NELL1: variants seen among roughly 807,000 people sequenced by gnomAD.
NELL1 encodes the protein protein kinase C-binding protein NELL1.
In NELL1, 76 loss-of-function variants were observed where a neutral mutation model predicts 107.4. That is an observed-to-expected ratio of 0.71 (90% confidence interval 0.59 to 0.86). The LOEUF (loss-of-function observed/expected upper bound fraction) is 0.86. NELL1 is among the 40% of genes least tolerant of loss of function. The probability of loss-of-function intolerance (pLI) is 0.00; values close to 1 mark genes in which losing one functional copy is unlikely to be tolerated. For synonymous variants in NELL1, 353 were observed against 341.2 expected, an observed-to-expected ratio of 1.03 and a Z score of -0.38; for missense variants, 1,024 against 1,005.5, an observed-to-expected ratio of 1.02 and a Z score of -0.25.
intron 15 of NELL1, among the ~76,000 whole-genome samples, chr11:21,515,310 A>G (rs1855530133): frequency 6.6e-6 from 1 of 152,096 alleles, no homozygotes; most frequent in Non-Finnish European, 1.5e-5. Flanking sequence ...CTTATTGAAA[A>G]TTACTGAAAG....
At position 20,826,844 on chromosome 11, in the gene NELL1, A is replaced by G. The variant is rs1003458819; in HGVS notation, c.336-20739A>G. ...ACCTTTGCATGGAGGAGTGAGACAG[A>G]CTGGACGTCAGTAGAGAGATTATAT... On this transcript the variant is annotated intron_variant, in intron 3 of 19. Transcript: ENST00000357134. 6.0e-5 allele frequency among the ~76,000 whole-genome samples: 9 copies of G among 151,194 alleles called. No homozygotes were observed. The Admixed American group carries it at 6.0e-4, about 10-fold the overall frequency.
At chr11:21,165,679 T>C (rs866927207) in intron 13 of NELL1, among the ~76,000 whole-genome samples, 2 of 151,042 alleles carry the variant, frequency 1.3e-5, no homozygotes, top group South Asian at 4.1e-4. Flanking sequence ...CCTAAGTGTC[T>C]GTCAACAAAC....
chr11:21,239,742 T>A (rs1201416751), intron 14 of NELL1, among the ~76,000 whole-genome samples: 1 of 152,022 alleles, frequency 6.6e-6, no homozygotes, highest in Non-Finnish European at 1.5e-5. Context: ...GGAATCACAG[T>A]CCCACATCTA....
At chr11:21,564,320 A>ATGAC (rs1458962512) in intron 17 of NELL1, among the ~76,000 whole-genome samples, 1 of 151,986 alleles carries the variant, frequency 6.6e-6, no homozygotes, top group African/African-American at 2.4e-5. Flanking sequence ...ATGGGTCCTG[A>ATGAC]TGACTGATGA....
intron 10 of NELL1, among the ~76,000 whole-genome samples, chr11:20,946,527 T>A (rs1235096480): frequency 6.6e-6 from 1 of 152,236 alleles, no homozygotes; most frequent in Non-Finnish European, 1.5e-5. Flanking sequence ...TTATTGTAAG[T>A]GATTTTATAT....
chr11:21,516,186 T>C (rs1040725800), intron 15 of NELL1, among the ~76,000 whole-genome samples: 5 of 152,172 alleles, frequency 3.3e-5, no homozygotes, highest in African/African-American at 1.2e-4. Flanking sequence ...GAGGGTGACA[T>C]ATACTCCTAG....
intron 15 of NELL1, among the ~76,000 whole-genome samples, chr11:21,377,605 T>A (rs12278020): frequency 0.099 from 15,003 of 151,982 alleles, 811 homozygotes; most frequent in Admixed American, 0.15. Flanking sequence ...TTTGGAATAG[T>A]TTTAGTAGAA....
intron 6 of NELL1, 122 bp downstream of exon 6, chr11:20,918,376 T>C (rs1198047888): frequency 1.6e-6 from 1 of 634,450 alleles, no homozygotes; most frequent in African/African-American, 1.9e-5. Flanking sequence ...CTGGAGATAG[T>C]GAAAGAGAAC....
At chr11:21,539,881 C>T (rs1856249009) in intron 16 of NELL1, among the ~76,000 whole-genome samples, 2 of 151,754 alleles carry the variant, frequency 1.3e-5, no homozygotes, top group Admixed American at 1.3e-4. Context: ...CTCCCTTTGC[C>T]AGGGAGCTGC....
intron 14 of NELL1, among the ~76,000 whole-genome samples, chr11:21,364,622 C>A (rs1851171802): frequency 6.6e-6 from 1 of 151,978 alleles, no homozygotes. Context: ...ACTAAGAATA[C>A]ATTTTATGTT....
At chr11:21,325,276 C>A (rs1036300864) in intron 14 of NELL1, among the ~76,000 whole-genome samples, 1 of 151,988 alleles carries the variant, frequency 6.6e-6, no homozygotes, top group Non-Finnish European at 1.5e-5. Flanking sequence ...ATTTATTAAA[C>A]ATTTAGGTTG....
chr11:21,401,060 C>A (rs1320562424), intron 15 of NELL1, among the ~76,000 whole-genome samples: 1 of 151,902 alleles, frequency 6.6e-6, no homozygotes, highest in African/African-American at 2.4e-5. Flanking sequence ...CAAAGAGAAG[C>A]ACCCCATTTA....
chr11:21,110,281 C>A (rs752749058), intron 12 of NELL1, among the ~76,000 whole-genome samples: 10 of 152,142 alleles, frequency 6.6e-5, no homozygotes, highest in Non-Finnish European at 1.5e-4. Flanking sequence ...CTCAAAAACA[C>A]ATCAGCAGAG....
At position 21,467,502 on chromosome 11, in the gene NELL1, C is replaced by G. The variant is rs574534251; in HGVS notation, c.1646-66872C>G. 2.0e-5 allele frequency among the ~76,000 whole-genome samples: 3 copies of G among 151,988 alleles called. No individual in the cohort carries two copies. In the East Asian group the frequency reaches 5.8e-4, roughly 29 times the overall value. ...TCAACTGTAAGAAAAAGTGTTGGCA[C>G]TATGTCAGTTTAATGTTGTCCTATT... On this transcript the variant is annotated intron_variant, in intron 15 of 19. Coordinates refer to ENST00000357134, the MANE Select transcript of NELL1 (RefSeq NM_006157.5).
At chr11:21,338,965 C>A (rs1850500266) in intron 14 of NELL1, among the ~76,000 whole-genome samples, 1 of 152,128 alleles carries the variant, frequency 6.6e-6, no homozygotes, top group African/African-American at 2.4e-5. Context: ...CCACTAATCT[C>A]ATTTTAAAAA....
At chr11:20,684,225 A>G (rs562612071) in intron 2 of NELL1, among the ~76,000 whole-genome samples, 6 of 152,034 alleles carry the variant, frequency 3.9e-5, no homozygotes, top group Admixed American at 2.6e-4. Flanking sequence ...TGGGCAACAT[A>G]GTGAGACCCT....
intron 15 of NELL1, among the ~76,000 whole-genome samples, chr11:21,433,393 C>A (rs1218711722): frequency 6.6e-6 from 1 of 152,004 alleles, no homozygotes; most frequent in African/African-American, 2.4e-5. Flanking sequence ...GGATAAATAC[C>A]CAGTATTGGG....
rs61531860 is a variant in NELL1 at position 20,821,086 on chromosome 11, G to GAAAGTC, written c.336-26494_336-26489dup. Among the ~76,000 whole-genome samples, 220 of 152,282 alleles carry GAAAGTC rather than the reference G, an allele frequency of 1.4e-3. 1 individual carries two copies. Among genetic ancestry groups the GAAAGTC allele is most frequent in the African/African-American group, 5.2e-3 (215 of 41,562 alleles). On this transcript the variant is annotated intron_variant, in intron 3 of 19. Coordinates refer to ENST00000357134, the MANE Select transcript of NELL1 (RefSeq NM_006157.5). ...GAAGGAAGCCATTAACCCTTCCAGG[G>GAAAGTC]AAAGTCAAGGGAGGCTTTATAGAGG...
chr11:21,555,120 CTGGCATAGAGTAGATGTTAA>C (rs1049062695), intron 16 of NELL1, among the ~76,000 whole-genome samples: 4 of 151,822 alleles, frequency 2.6e-5, no homozygotes, highest in Non-Finnish European at 5.9e-5. Flanking sequence ...AGCAGTGTAT[CTGGCATAGAGTAGATGTTAA>C]TGGCATAGAG....
Sources: allele counts gnomAD v4.1 joint callset (sites outside exome capture counted in the v4.1 genomes callset), GRCh38; gene constraint gnomAD v4.1.1; transcripts MANE v1.5; gene names NCBI Gene and HGNC (gene_info 2026-07-23, HGNC 2026-07-21).